The following ENDOD1 variants were observed in gnomAD, a reference collection of about 807,000 sequenced individuals.
The protein encoded by ENDOD1 is endonuclease domain containing 1, also known as endonuclease domain-containing 1 protein.
A neutral mutation model predicts 6.5 loss-of-function variants in ENDOD1; 9 were observed. The observed-to-expected ratio is 1.39, with a 90% CI of 0.84 to 2.43. ENDOD1 has a LOEUF of 2.43. Ranked by LOEUF, ENDOD1 falls within the 30% of genes most tolerant of loss-of-function variation. The probability of loss-of-function intolerance (pLI) is 0.00; values close to 1 mark genes in which losing one functional copy is unlikely to be tolerated. For missense variants in ENDOD1, 648 were observed against 635.5 expected (o/e 1.02, Z -0.21); for synonymous variants, 255 against 255.2 (o/e 1.00, Z 0.01).
chr11:95,124,016 T>A (rs188354046), intron 1 of ENDOD1, among the ~76,000 whole-genome samples: 1 of 152,130 alleles, frequency 6.6e-6, no homozygotes, highest in African/African-American at 2.4e-5. Context: ...AGTACTTAAC[T>A]ATACACACTC....
chr11:95,103,449 C>T (rs1165148120), intron 1 of ENDOD1, among the ~76,000 whole-genome samples: 2 of 152,170 alleles, frequency 1.3e-5, no homozygotes, highest in African/African-American at 4.8e-5. Context: ...AGCATGAAAA[C>T]CGTTTATTGA....
At chr11:95,111,169 ACT>A (rs1184048401) in intron 1 of ENDOD1, among the ~76,000 whole-genome samples, 1 of 151,990 alleles carries the variant, frequency 6.6e-6, no homozygotes, top group African/African-American at 2.4e-5. Flanking sequence ...TGCACTGGTG[ACT>A]CTGGCCCCTG....
At chr11:95,111,303 C>T (rs1859148140) in intron 1 of ENDOD1, among the ~76,000 whole-genome samples, 2 of 152,026 alleles carry the variant, frequency 1.3e-5, no homozygotes, top group Non-Finnish European at 2.9e-5. Context: ...AGTAGAAGTC[C>T]CCAACCTTTT....
At chr11:95,101,972 A>G (rs1859045079) in intron 1 of ENDOD1, among the ~76,000 whole-genome samples, 1 of 152,084 alleles carries the variant, frequency 6.6e-6, no homozygotes, top group Non-Finnish European at 1.5e-5. Context: ...TTGTCCAGCT[A>G]CATTGCATAT....
intron 1 of ENDOD1, among the ~76,000 whole-genome samples, chr11:95,119,299 C>T (rs1159719566): frequency 6.6e-6 from 1 of 152,154 alleles, no homozygotes; most frequent in Non-Finnish European, 1.5e-5. Flanking sequence ...TTGCTTCTAC[C>T]CATCCTTCTT....
chr11:95,092,411 A>G (rs1555109960), intron 1 of ENDOD1, among the ~76,000 whole-genome samples: 1 of 152,174 alleles, frequency 6.6e-6, no homozygotes, highest in Admixed American at 6.5e-5. Context: ...AAAGAAGTAC[A>G]GGGAACCAGG....
At chr11:95,111,939 C>G (rs11821138) in intron 1 of ENDOD1, among the ~76,000 whole-genome samples, 1 of 152,146 alleles carries the variant, frequency 6.6e-6, no homozygotes, top group Non-Finnish European at 1.5e-5. Flanking sequence ...CTCTCAAGGC[C>G]GAGGTCCTCT....
chr11:95,121,554 A>G lies in ENDOD1; in HGVS notation c.301-6823A>G, dbSNP rs151313489. ...GGAATGGGTGAATGTTTCCCCTCCA[A>G]TACTCTTTTCAATTTTTCATTGTTT... On this transcript the variant is annotated intron_variant, in intron 1 of 1. Transcript: ENST00000278505. Among the ~76,000 whole-genome samples, 659 of 152,280 alleles carry G rather than the reference A, an allele frequency of 4.3e-3. 20 individuals are homozygous for G. Among genetic ancestry groups the G allele is most frequent in the Non-Finnish European group, 8.1e-4 (55 of 68,026 alleles).
rs1858916989 is a variant in ENDOD1, at chr11:95,090,320, G to A, written c.300+93G>A. 3.0e-6 allele frequency: 4 copies of A among 1,340,330 alleles called. No individual in the cohort carries two copies. In the East Asian group the frequency reaches 9.3e-5, roughly 31 times the overall value. 83.0% of individuals were successfully genotyped at this position (1,340,330 alleles called of 1,614,324 possible). A position where few individuals can be genotyped will look rare whatever the true frequency, so the allele number is the denominator to read the frequency against. ...TGCAGCTACCGCGAGGGGCGGGCCG[G>A]GAACAGCAATCCCTACGCCTTCGGT... is the stretch of plus-strand genomic sequence containing the variant. On this transcript the variant is annotated intron_variant, in intron 1 of 1. Coordinates refer to ENST00000278505, the MANE Select transcript of ENDOD1 (RefSeq NM_015036.3).
In ENDOD1 at chr11:95,107,227, G is replaced by A. The variant is rs181222148; in HGVS notation, c.300+17000G>A. 3.7e-3 allele frequency among the ~76,000 whole-genome samples: 555 copies of A among 151,826 alleles called. 3 individuals carry two copies. Among genetic ancestry groups the A allele is most frequent in the Admixed American group, 7.5e-3 (115 of 15,260 alleles). On this transcript the variant is annotated intron_variant, in intron 1 of 1. Coordinates refer to ENST00000278505, the MANE Select transcript of ENDOD1 (RefSeq NM_015036.3). ...GTCTGGGTTGTAGTCCCAGCTACTC[G>A]GGAGGCTGAGGCAGGAGAATGGCGT...
chr11:95,096,140 T>C lies in ENDOD1; in HGVS notation c.300+5913T>C, dbSNP rs148739166. Reference sequence around the variant, plus strand: ...AAACTCTCATCTCTGAAAGTGAAAATTTTAGAAAGTAAATCCTCTTATTTG... The same window carrying C: ...AAACTCTCATCTCTGAAAGTGAAAACTTTAGAAAGTAAATCCTCTTATTTG... On this transcript the variant is annotated intron_variant, in intron 1 of 1. Transcript: ENST00000278505. Among the ~76,000 whole-genome samples, 255 of 151,674 alleles carry C rather than the reference T, an allele frequency of 1.7e-3. 1 individual carries two copies. The highest frequency in any genetic ancestry group is 4.8e-3 in the African/African-American group (200 of 41,408).
In ENDOD1 at chr11:95,128,623, G is replaced by A. The variant is rs771483722; in HGVS notation, c.547G>A (p.Asp183Asn). 1.2e-6 allele frequency: 2 copies of A among 1,614,184 alleles called. No individual in the cohort carries two copies. Among genetic ancestry groups the A allele is most frequent in the South Asian group, 2.2e-5 (2 of 91,080 alleles). The change falls in exon 2 of 2, where the codon GAC (aspartate) becomes AAC (asparagine). Residue 183 changes from aspartate (D) to asparagine (N), a missense_variant. By Grantham distance (23) the Asp-to-Asn change is conservative. Coordinates refer to ENST00000278505, the MANE Select transcript of ENDOD1 (RefSeq NM_015036.3). Reference sequence around the variant, plus strand: ...GTATGTGAATCTCCACAGCCTAATGGACCGGGCTTTGACCCCACAGTGTGG... The same window carrying A: ...GTATGTGAATCTCCACAGCCTAATGAACCGGGCTTTGACCCCACAGTGTGG... ...RWYVNLHSLM[D>N]RALTPQCGSG...
chr11:95,104,400 T>A (rs1859070183), intron 1 of ENDOD1, among the ~76,000 whole-genome samples: 1 of 146,596 alleles, frequency 6.8e-6, no homozygotes, highest in African/African-American at 2.5e-5. Context: ...TGAGCTGAGG[T>A]CGCATCACTG....
At chr11:95,108,424 G>A (rs758179750) in intron 1 of ENDOD1, among the ~76,000 whole-genome samples, 2 of 151,530 alleles carry the variant, frequency 1.3e-5, no homozygotes, top group Non-Finnish European at 2.9e-5. Flanking sequence ...GGAGGAAGGC[G>A]GAGAGGACAA....
chr11:95,118,534 A>G (rs1057299128), intron 1 of ENDOD1, among the ~76,000 whole-genome samples: 32 of 152,206 alleles, frequency 2.1e-4, no homozygotes, highest in African/African-American at 7.7e-4. Flanking sequence ...GCTGACAGGC[A>G]TATTGGAGCT....
chr11:95,116,560 T>C (rs572027503), intron 1 of ENDOD1, among the ~76,000 whole-genome samples: 9 of 152,314 alleles, frequency 5.9e-5, no homozygotes, highest in African/African-American at 1.9e-4. Flanking sequence ...TGTCTAGTAC[T>C]TTAAGATGCA....
chr11:95,102,467 T>C (rs1428760827), intron 1 of ENDOD1, among the ~76,000 whole-genome samples: 1 of 150,884 alleles, frequency 6.6e-6, no homozygotes, highest in Non-Finnish European at 1.5e-5. Flanking sequence ...ATGTCAAGAA[T>C]TCGAGACCAG....
intron 1 of ENDOD1, among the ~76,000 whole-genome samples, chr11:95,126,204 CT>C (rs1202956354): frequency 2.0e-5 from 3 of 152,210 alleles, no homozygotes; most frequent in Admixed American, 1.3e-4. Flanking sequence ...CTCAATACCC[CT>C]ATGCATACCT....
chr11:95,123,786 G>A (rs1463250895), intron 1 of ENDOD1, among the ~76,000 whole-genome samples: 4 of 152,118 alleles, frequency 2.6e-5, no homozygotes, highest in Non-Finnish European at 4.4e-5. Context: ...ATAAAATGTA[G>A]CATTTTTCCG....
Sources: allele counts gnomAD v4.1 joint callset (sites outside exome capture counted in the v4.1 genomes callset), GRCh38; gene constraint gnomAD v4.1.1; transcripts MANE v1.5; gene names NCBI Gene and HGNC (gene_info 2026-07-23, HGNC 2026-07-21).